The following SLC16A10 variants were observed in gnomAD, a reference collection of about 807,000 sequenced individuals.
SLC16A10 encodes monocarboxylate transporter 10.
In SLC16A10, 27 loss-of-function variants were observed where a neutral mutation model predicts 40.0. The observed-to-expected ratio is 0.67, with a 90% confidence interval of 0.50 to 0.93. SLC16A10 has a LOEUF of 0.93. Among genes scored for constraint, SLC16A10 ranks in the 40% least tolerant of loss-of-function variants. The probability of loss-of-function intolerance (pLI) is 0.00; values close to 1 mark genes in which losing one functional copy is unlikely to be tolerated. For synonymous variants in SLC16A10, 213 were observed against 249.8 expected (o/e 0.85, Z 1.39); for missense variants, 529 against 658.2 (o/e 0.80, Z 2.15).
intron 1 of SLC16A10, among the ~76,000 whole-genome samples, chr6:111,144,449 C>T (rs565354353): frequency 2.6e-5 from 4 of 152,142 alleles, no homozygotes; most frequent in South Asian, 4.1e-4. Flanking sequence ...GTGATCTGCC[C>T]GCCTCAGCCT....
At chr6:111,200,833 C>G (rs1172325957) in intron 3 of SLC16A10, among the ~76,000 whole-genome samples, 37 of 152,056 alleles carry the variant, frequency 2.4e-4, no homozygotes. Context: ...TATGGAATAG[C>G]TTTTCAAATG....
At chr6:111,176,266 T>G (rs1466080223) in intron 2 of SLC16A10, among the ~76,000 whole-genome samples, 1 of 152,232 alleles carries the variant, frequency 6.6e-6, no homozygotes, top group Non-Finnish European at 1.5e-5. Context: ...CTCAGCATGT[T>G]GCTAGACTAG....
intron 1 of SLC16A10, among the ~76,000 whole-genome samples, chr6:111,132,857 T>C (rs1771808947): frequency 6.6e-6 from 1 of 152,332 alleles, no homozygotes; most frequent in East Asian, 1.9e-4. Context: ...AGGGAAACTC[T>C]TGTAGAAGCA....
intron 1 of SLC16A10, among the ~76,000 whole-genome samples, chr6:111,167,389 C>G (rs1318189476): frequency 6.6e-6 from 1 of 152,182 alleles, no homozygotes; most frequent in Non-Finnish European, 1.5e-5. Context: ...TCTGAGCTGG[C>G]ACCTTCTTGG....
intron 3 of SLC16A10, 164 bp downstream of exon 3, chr6:111,177,829 T>G: frequency 1.7e-6 from 1 of 589,786 alleles, no homozygotes; most frequent in Admixed American, 3.3e-5. Context: ...AGCACATCCA[T>G]TAGACCACTA....
chr6:111,163,471 G>A (rs1245743922), intron 1 of SLC16A10, among the ~76,000 whole-genome samples: 2 of 152,140 alleles, frequency 1.3e-5, no homozygotes, highest in African/African-American at 4.8e-5. Context: ...TTTTAATTAC[G>A]ATTGATAGCA....
At chr6:111,101,975 G>A (rs1036265667) in intron 1 of SLC16A10, among the ~76,000 whole-genome samples, 20 of 152,116 alleles carry the variant, frequency 1.3e-4, no homozygotes, top group African/African-American at 4.1e-4. Flanking sequence ...TTCAGTAAAC[G>A]TTTTTTAAGG....
intron 1 of SLC16A10, among the ~76,000 whole-genome samples, chr6:111,127,546 G>A (rs1771698209): frequency 1.3e-5 from 2 of 152,154 alleles, no homozygotes; most frequent in African/African-American, 4.8e-5. Flanking sequence ...GCTAGGCCAG[G>A]TACTGTGAAG....
At chr6:111,182,310 C>CTTTTTTTTTTTTTTTTTTTTTTTTTT (rs372963281) in intron 3 of SLC16A10, among the ~76,000 whole-genome samples, 1 of 103,624 alleles carries the variant, frequency 9.7e-6, no homozygotes, top group Non-Finnish European at 1.8e-5. Context: ...CTCTGGGTTT[C>CTTTTTTTTTTTTTTTTTTTTTTTTTT]TTTTTTTTTT....
rs1307125720 is a variant in SLC16A10 at position 111,227,510 on chromosome 6, A to G, written c.*5275A>G. On this transcript the variant is annotated 3_prime_UTR_variant, in exon 6 of 6. Transcript: ENST00000368851. Reference sequence around the variant, plus strand: ...CCTGGAAAATTCATGACATCTTTGAATCACTCAGAAAAATCTTGAAACTCA... The same window carrying G: ...CCTGGAAAATTCATGACATCTTTGAGTCACTCAGAAAAATCTTGAAACTCA... 2.0e-5 allele frequency: 3 copies of G among 152,182 alleles called. No homozygotes were observed. The highest frequency in any genetic ancestry group is 4.4e-5 in the Non-Finnish European group (3 of 68,024). The allele number at this position is 152,182 out of a possible 1,614,324, so 9.4% of individuals were successfully genotyped here.
intron 1 of SLC16A10, among the ~76,000 whole-genome samples, chr6:111,126,317 G>A (rs936228280): frequency 2.6e-5 from 4 of 152,044 alleles, no homozygotes; most frequent in African/African-American, 9.7e-5. Context: ...TGGTTGTAAA[G>A]GGCAGGTTGA....
At chr6:111,191,556 A>G (rs1026827521) in intron 3 of SLC16A10, among the ~76,000 whole-genome samples, 2 of 152,188 alleles carry the variant, frequency 1.3e-5, no homozygotes, top group African/African-American at 2.4e-5. Context: ...TGCTGGGTCA[A>G]ATGGTATTTC....
chr6:111,176,644 G>C (rs1329997495), intron 2 of SLC16A10, among the ~76,000 whole-genome samples: 1 of 152,186 alleles, frequency 6.6e-6, no homozygotes, highest in African/African-American at 2.4e-5. Context: ...CAGCCCTTAG[G>C]CCAGCAAAAA....
At chr6:111,190,085 A>G (rs1301606752) in intron 3 of SLC16A10, among the ~76,000 whole-genome samples, 1 of 152,206 alleles carries the variant, frequency 6.6e-6, no homozygotes, top group Non-Finnish European at 1.5e-5. Flanking sequence ...TACTTCCTAG[A>G]TACAATAGGG....
At chr6:111,165,308 A>G (rs914427009) in intron 1 of SLC16A10, among the ~76,000 whole-genome samples, 1 of 152,154 alleles carries the variant, frequency 6.6e-6, no homozygotes, top group East Asian at 1.9e-4. Flanking sequence ...CATTTTTTCC[A>G]GGGAGTCCCA....
chr6:111,099,652 G>T (rs1291859894), intron 1 of SLC16A10, among the ~76,000 whole-genome samples: 1 of 152,158 alleles, frequency 6.6e-6, no homozygotes, highest in African/African-American at 2.4e-5. Flanking sequence ...TATTTTGTAT[G>T]GAGAGGGGAG....
chr6:111,177,644 C>T lies in SLC16A10; in HGVS notation c.921C>T (p.Tyr307=), dbSNP rs768639099. 9.0e-6 allele frequency: 14 copies of T among 1,558,622 alleles called. No homozygotes were observed. The highest frequency in any genetic ancestry group is 2.7e-5 in the African/African-American group (2 of 72,978). The change falls in exon 3 of 6, where the codon TAC becomes TAT. Residue 307 remains tyrosine (Y), a synonymous_variant. Transcript: ENST00000368851. The stretch of plus-strand genomic sequence containing the variant: ...GAATACCACTTGCACTTTTTGGATA[C>T]TTTGTGCCTTATGTTCACTTGGTGA... ...AVGIPLALFG[Y]FVPYVHLMKH...
At chr6:111,123,655 A>G (rs1232438536) in intron 1 of SLC16A10, among the ~76,000 whole-genome samples, 3 of 152,210 alleles carry the variant, frequency 2.0e-5, no homozygotes, top group Non-Finnish European at 4.4e-5. Flanking sequence ...AACCAGTAAC[A>G]GTAATATTCT....
chr6:111,215,444 CT>C (rs888548042), intron 4 of SLC16A10, among the ~76,000 whole-genome samples: 1 of 146,436 alleles, frequency 6.8e-6, no homozygotes, highest in South Asian at 2.2e-4. Context: ...GAAATATGTA[CT>C]GACCAAAATA....
Sources: allele counts gnomAD v4.1 joint callset (sites outside exome capture counted in the v4.1 genomes callset), GRCh38; gene constraint gnomAD v4.1.1; transcripts MANE v1.5; gene names NCBI Gene and HGNC (gene_info 2026-07-23, HGNC 2026-07-21).